The following CUL5 variants were observed in gnomAD, a reference collection of about 807,000 sequenced individuals.
The protein encoded by CUL5 is cullin 5.
CUL5 carries 26 observed loss-of-function variants against 108.8 expected under a neutral mutation model. The observed-to-expected ratio is 0.24, with a 90% CI of 0.18 to 0.33. The LOEUF (loss-of-function observed/expected upper bound fraction) is 0.33. Ranked by LOEUF, CUL5 falls within the 10% of genes least tolerant of loss-of-function variation. The pLI, the probability that CUL5 is intolerant of heterozygous loss-of-function variation, is 1.00. For missense variants in CUL5, 524 were observed against 909.2 expected (o/e 0.58, Z 5.45); for synonymous variants, 334 against 298.0 (o/e 1.12, Z -1.25).
intron 1 of CUL5, among the ~76,000 whole-genome samples, chr11:108,030,964 G>C (rs1862566466): frequency 6.6e-6 from 1 of 152,104 alleles, no homozygotes; most frequent in Non-Finnish European, 1.5e-5. Flanking sequence ...ATCATATGTT[G>C]ACAAACTGTT....
chr11:108,022,493 C>T (rs1453339056), intron 1 of CUL5, among the ~76,000 whole-genome samples: 2 of 151,288 alleles, frequency 1.3e-5, no homozygotes, highest in Non-Finnish European at 3.0e-5. Context: ...AAATGCACTC[C>T]TAAATTTCAG....
chr11:108,064,977 G>A (rs1162337909), intron 7 of CUL5, among the ~76,000 whole-genome samples: 1 of 151,664 alleles, frequency 6.6e-6, no homozygotes, highest in Admixed American at 6.6e-5. Flanking sequence ...TCAGGTGCCA[G>A]GCTTTTCTTT....
At chr11:108,060,652 A>C (rs1191061487) in intron 7 of CUL5, among the ~76,000 whole-genome samples, 1 of 152,124 alleles carries the variant, frequency 6.6e-6, no homozygotes, top group Non-Finnish European at 1.5e-5. Context: ...CCTGGCTAAC[A>C]TGGTAAAGCC....
intron 8 of CUL5, 23 bp from the exon 9 acceptor site, chr11:108,072,309 A>C (rs765195678): frequency 6.4e-7 from 1 of 1,563,892 alleles, no homozygotes; most frequent in African/African-American, 1.4e-5. Context: ...AAATGATTAC[A>C]TGAATGTGTT....
Position 108,052,735 on chromosome 11 carries a change from G to A in CUL5, c.487G>A (p.Val163Ile). Residue 163 changes from valine to isoleucine, a missense_variant, in exon 5 of 19, where the codon GTA (valine) becomes ATA (isoleucine). Physicochemically the swap from Val to Ile is conservative, Grantham distance 29 (BLOSUM62 3). This residue lies in a region of CUL5 where 170 missense variants were observed against 305.1 expected (regional missense o/e 0.56). Coordinates refer to ENST00000393094, the MANE Select transcript of CUL5 (RefSeq NM_003478.6). ...ACTCCAAGATAGTGCAATGAAGCTGGTACATGCTGAGAGATTGGGAGAAGC... is the reference window on the plus strand; with the variant it reads ...ACTCCAAGATAGTGCAATGAAGCTGATACATGCTGAGAGATTGGGAGAAGC... ...NRLQDSAMKL[V>I]HAERLGEAFD... The A allele has an allele frequency of 6.2e-7, 1 of 1,613,644 alleles. No homozygotes were observed. Among genetic ancestry groups the A allele is most frequent in the Non-Finnish European group, 8.5e-7 (1 of 1,179,644 alleles).
At chr11:108,061,355 G>A (rs1187428715) in intron 7 of CUL5, among the ~76,000 whole-genome samples, 1 of 152,108 alleles carries the variant, frequency 6.6e-6, no homozygotes, top group Non-Finnish European at 1.5e-5. Context: ...TTTGAAATAA[G>A]GAGAGAATTC....
At chr11:108,049,045 G>A (rs1448912005) in intron 3 of CUL5, among the ~76,000 whole-genome samples, 1 of 152,098 alleles carries the variant, frequency 6.6e-6, no homozygotes, top group Non-Finnish European at 1.5e-5. Flanking sequence ...GATTCAGTGG[G>A]TTGTAGTATA....
At chr11:108,010,789 A>G (rs1334568453) in intron 1 of CUL5, among the ~76,000 whole-genome samples, 75 of 152,172 alleles carry the variant, frequency 4.9e-4, no homozygotes, top group Admixed American at 4.8e-3. Flanking sequence ...CAAATTTCTC[A>G]TGCTTTACTT....
chr11:108,082,379 C>G (rs565611783), intron 11 of CUL5, among the ~76,000 whole-genome samples: 1 of 151,716 alleles, frequency 6.6e-6, no homozygotes, highest in African/African-American at 2.4e-5. Flanking sequence ...CTCCTGAGCT[C>G]GAGTAATCCT....
intron 1 of CUL5, among the ~76,000 whole-genome samples, chr11:108,020,490 G>A (rs933876783): frequency 2.6e-5 from 4 of 151,598 alleles, no homozygotes; most frequent in African/African-American, 9.7e-5. Context: ...ATAGAATAAG[G>A]ATATAAAGAA....
chr11:108,021,822 T>G (rs912170012), intron 1 of CUL5, among the ~76,000 whole-genome samples: 4 of 152,028 alleles, frequency 2.6e-5, no homozygotes, highest in African/African-American at 9.7e-5. Context: ...AGTTTATTTA[T>G]TTATTTTTCA....
rs1591276751 is a variant in CUL5, at chr11:108,022,866, A to G, written c.25-10936A>G. 4.6e-5 allele frequency among the ~76,000 whole-genome samples: 7 copies of G among 152,294 alleles called. 1 individual carries two copies. In the South Asian group the frequency reaches 1.5e-3, roughly 32 times the overall value. ...CCCCATCTCTAAAAAAAAGTCAATT[A>G]TAAAATTGAGTTGTTTTGCTTTTCT... On this transcript the variant is annotated intron_variant, in intron 1 of 18. Transcript: ENST00000393094.
At position 108,095,523 on chromosome 11, in the gene CUL5, A is replaced by G. The variant is rs541400064; in HGVS notation, c.1744-7A>G. 3.8e-6 allele frequency: 6 copies of G among 1,561,050 alleles called. No individual in the cohort carries two copies. The highest frequency in any genetic ancestry group is 4.5e-5 in the East Asian group (2 of 44,448). ...TCTTTATTAAAAATCTGTTTTATCT[A>G]TTATAGATAACATTTAAGAATGAAG... On this transcript the variant is annotated splice_region_variant and splice_polypyrimidine_tract_variant and intron_variant, in intron 15 of 18. Coordinates refer to ENST00000393094, the MANE Select transcript of CUL5 (RefSeq NM_003478.6).
chr11:108,100,820 G>A (rs1864642816), intron 18 of CUL5, among the ~76,000 whole-genome samples: 1 of 152,174 alleles, frequency 6.6e-6, no homozygotes, highest in African/African-American at 2.4e-5. Flanking sequence ...CACAAGGCCA[G>A]GAGATCGAGA....
chr11:108,057,526 C>G (rs1863415730), intron 7 of CUL5, among the ~76,000 whole-genome samples: 1 of 152,152 alleles, frequency 6.6e-6, no homozygotes, highest in African/African-American at 2.4e-5. Context: ...CTGTTTTACT[C>G]TTGCCAAAAA....
At chr11:108,096,117 A>G (rs975610600) in intron 16 of CUL5, among the ~76,000 whole-genome samples, 10 of 149,810 alleles carry the variant, frequency 6.7e-5, no homozygotes, top group Non-Finnish European at 1.3e-4. Context: ...AAAATTATGC[A>G]CACACACACA....
chr11:108,033,471 G>C (rs778577288), intron 1 of CUL5, among the ~76,000 whole-genome samples: 12 of 152,156 alleles, frequency 7.9e-5, no homozygotes, highest in Non-Finnish European at 1.3e-4. Context: ...AGCCAATCCA[G>C]TATGACCCAA....
intron 10 of CUL5, among the ~76,000 whole-genome samples, chr11:108,077,909 A>G (rs1863980897): frequency 6.6e-6 from 1 of 152,162 alleles, no homozygotes; most frequent in African/African-American, 2.4e-5. Context: ...AGATCATGCC[A>G]CTGCACTCCA....
chr11:108,082,583 TG>T (rs1475784803), intron 11 of CUL5, among the ~76,000 whole-genome samples: 1 of 148,986 alleles, frequency 6.7e-6, no homozygotes, highest in Non-Finnish European at 1.5e-5. Context: ...AGCCTGGAAT[TG>T]TTTTCTTAAT....
Sources: allele counts gnomAD v4.1 joint callset (sites outside exome capture counted in the v4.1 genomes callset), GRCh38; gene constraint gnomAD v4.1.1; regional missense constraint gnomAD v4.1.1; transcripts MANE v1.5; gene names NCBI Gene and HGNC (gene_info 2026-07-23, HGNC 2026-07-21).